The following PPM1E variants were observed in gnomAD, a reference collection of about 807,000 sequenced individuals.
PPM1E encodes the protein protein phosphatase 1E.
PPM1E carries 20 observed loss-of-function variants against 65.9 expected under a neutral mutation model. The ratio of observed to expected loss-of-function variants is 0.30; its 90% CI spans 0.21 to 0.44. The LOEUF (loss-of-function observed/expected upper bound fraction) is 0.44, where lower values mean the gene tolerates loss of function less well. Ranked by LOEUF, PPM1E falls within the 20% of genes least tolerant of loss-of-function variation. The pLI, the probability that PPM1E is intolerant of heterozygous loss-of-function variation, is 1.00. For synonymous variants in PPM1E, 352 were observed against 374.9 expected (o/e 0.94, Z 0.70); for missense variants, 713 against 953.1 (o/e 0.75, Z 3.32).
chr17:58,790,977 C>T (rs756696358), intron 1 of PPM1E, among the ~76,000 whole-genome samples: 3 of 151,854 alleles, frequency 2.0e-5, no homozygotes, highest in Non-Finnish European at 4.4e-5. Context: ...GCAACCTCCA[C>T]CTCCTGGGCT....
chr17:58,899,195 A>T (rs538129819), intron 1 of PPM1E, among the ~76,000 whole-genome samples: 1 of 151,964 alleles, frequency 6.6e-6, no homozygotes, highest in Non-Finnish European at 1.5e-5. Flanking sequence ...ATGAAAAAAA[A>T]ATTAGCGAGG....
At chr17:58,769,199 T>G (rs1186744459) in intron 1 of PPM1E, among the ~76,000 whole-genome samples, 1 of 152,168 alleles carries the variant, frequency 6.6e-6, no homozygotes, top group Non-Finnish European at 1.5e-5. Context: ...TTTAAATAGC[T>G]GAAGGTACCT....
At chr17:58,963,426 C>T (rs1182856350) in intron 2 of PPM1E, among the ~76,000 whole-genome samples, 1 of 145,552 alleles carries the variant, frequency 6.9e-6, no homozygotes, top group Admixed American at 6.9e-5. Flanking sequence ...CAGTGGCTCA[C>T]GCCTGTAATC....
rs62637717 is a variant in PPM1E at position 58,756,150 on chromosome 17, T to G, written c.153T>G (p.Pro51=). 6.3e-7 allele frequency: 1 copy of G among 1,594,482 alleles called. No individual in the cohort carries two copies. Among genetic ancestry groups the G allele is most frequent in the Admixed American group, 1.8e-5 (1 of 55,760 alleles). Residue 51 remains proline, a synonymous_variant, in exon 1 of 7, where the codon CCT becomes CCG. Transcript: ENST00000308249. The part of the protein sequence containing the change: ...PEPESEPEPE[P]ELVEAEAAEA... ...CCGAGTCCGAGCCCGAGCCCGAACC[T>G]GAACTGGTAGAAGCTGAGGCGGCCG...
At chr17:58,936,092 A>G (rs1175734765) in intron 1 of PPM1E, among the ~76,000 whole-genome samples, 3 of 152,034 alleles carry the variant, frequency 2.0e-5, no homozygotes, top group East Asian at 3.9e-4. Context: ...ATTTAGTTGT[A>G]GAAAAACTAA....
Position 58,965,729 on chromosome 17 carries a change from A to G in PPM1E, c.619A>G (p.Ser207Gly). Residue 207 changes from serine (S) to glycine (G), a missense_variant, in exon 3 of 7, where the codon AGC (serine) becomes GGC (glycine). Physicochemically the swap from Ser to Gly is moderately conservative, Grantham distance 56. Transcript: ENST00000308249. Reference sequence around the variant, plus strand: ...AGTGAAATTGGCCCGTTCTGTCTTCAGCAAACTACACGAGATTTGCTGCAG... The same window carrying G: ...AGTGAAATTGGCCCGTTCTGTCTTCGGCAAACTACACGAGATTTGCTGCAG... ...ETVKLARSVFSKLHEICCSWV... is the reference protein window; with the variant it reads ...ETVKLARSVFGKLHEICCSWV... 1.2e-6 allele frequency: 2 copies of G among 1,614,132 alleles called. No individual in the cohort carries two copies. The highest frequency in any genetic ancestry group is 3.3e-4 in the Middle Eastern group (2 of 6,060).
At chr17:58,823,273 A>G (rs1177650971) in intron 1 of PPM1E, among the ~76,000 whole-genome samples, 1 of 152,164 alleles carries the variant, frequency 6.6e-6, no homozygotes, top group Non-Finnish European at 1.5e-5. Context: ...TAAATTTTTC[A>G]AGGAATGGAA....
intron 1 of PPM1E, among the ~76,000 whole-genome samples, chr17:58,894,217 G>A (rs534212129): frequency 1.3e-5 from 2 of 152,116 alleles, no homozygotes; most frequent in African/African-American, 4.8e-5. Context: ...CAGCTCCTGG[G>A]TTCAAGCAAT....
intron 1 of PPM1E, among the ~76,000 whole-genome samples, chr17:58,933,656 C>T (rs1598658892): frequency 1.3e-5 from 2 of 151,028 alleles, no homozygotes; most frequent in South Asian, 4.2e-4. Context: ...ATTAGCTGGG[C>T]ATGGTGGCGG....
intron 1 of PPM1E, among the ~76,000 whole-genome samples, chr17:58,820,271 G>A (rs755070208): frequency 1.3e-5 from 2 of 152,014 alleles, no homozygotes; most frequent in Admixed American, 6.6e-5. Flanking sequence ...AATGATAAAC[G>A]GCATGAATTT....
intron 1 of PPM1E, among the ~76,000 whole-genome samples, chr17:58,937,751 G>C (rs1016059067): frequency 6.7e-6 from 1 of 149,426 alleles, no homozygotes; most frequent in Non-Finnish European, 1.5e-5. Context: ...ATGGTGGCAG[G>C]CACCTCTAAT....
intron 3 of PPM1E, chr17:58,966,138 C>G: frequency 2.0e-6 from 1 of 511,600 alleles, no homozygotes; most frequent in South Asian, 2.1e-5. Flanking sequence ...CCTTGCCTCC[C>G]AGGTACTCAG....
chr17:58,811,407 G>T lies in PPM1E; in HGVS notation c.464+54946G>T, dbSNP rs541183771. Among the ~76,000 whole-genome samples, 45 of 152,188 alleles carry T rather than the reference G, an allele frequency of 3.0e-4. 1 individual carries two copies. Among genetic ancestry groups the T allele is most frequent in the Non-Finnish European group, 7.4e-5 (5 of 68,014 alleles). On this transcript the variant is annotated intron_variant, in intron 1 of 6. Transcript: ENST00000308249. ...TCTGCCTTTTAACGCAGAAAATTTG[G>T]AATTTATCCTTTGCACTATTGTCTC...
intron 2 of PPM1E, among the ~76,000 whole-genome samples, chr17:58,964,945 T>A (rs2030173748): frequency 1.3e-5 from 2 of 151,600 alleles, no homozygotes; most frequent in Non-Finnish European, 2.9e-5. Context: ...CTTGGGAGGC[T>A]GAGGCAGGAG....
At chr17:58,916,935 C>A (rs2051689981) in intron 1 of PPM1E, among the ~76,000 whole-genome samples, 1 of 152,122 alleles carries the variant, frequency 6.6e-6, no homozygotes, top group Admixed American at 6.6e-5. Context: ...TGTGGTGGGG[C>A]ACGGTGGCTC....
At position 58,981,169 on chromosome 17, in the gene PPM1E, C is replaced by G. The variant is rs1730159678; in HGVS notation, c.*138C>G. 2 of 645,350 alleles carry G rather than the reference C, an allele frequency of 3.1e-6. No homozygotes were observed. Among genetic ancestry groups the G allele is most frequent in the African/African-American group, 1.8e-5 (1 of 54,336 alleles). 40.0% of individuals were successfully genotyped at this position (645,350 alleles called of 1,614,324 possible). A position where few individuals can be genotyped will look rare whatever the true frequency, so the allele number is the denominator to read the frequency against. ...GCTCAATTCTTAAATGTAAATAGAT[C>G]TCTAGGAAACTCAAAGTACAGTGTT... On this transcript the variant is annotated 3_prime_UTR_variant, in exon 7 of 7. Coordinates refer to ENST00000308249, the MANE Select transcript of PPM1E (RefSeq NM_014906.5).
intron 1 of PPM1E, among the ~76,000 whole-genome samples, chr17:58,823,591 T>C (rs2050502341): frequency 6.6e-6 from 1 of 152,192 alleles, no homozygotes; most frequent in Admixed American, 6.5e-5. Context: ...TAGGAAATTG[T>C]GTTTTGTATA....
intron 1 of PPM1E, chr17:58,899,356 C>T (rs914741166): frequency 3.9e-5 from 6 of 153,396 alleles, no homozygotes; most frequent in African/African-American, 1.4e-4. Context: ...AAAAAACAAA[C>T]AGTTTCCTAA....
chr17:58,948,929 A>T (rs2052199797), intron 1 of PPM1E, among the ~76,000 whole-genome samples: 1 of 152,246 alleles, frequency 6.6e-6, no homozygotes, highest in Non-Finnish European at 1.5e-5. Context: ...GTGTCCTAAC[A>T]TGTAGTCAAT....
Sources: gnomAD v4.1 joint callset for allele counts (sites outside exome capture counted in the v4.1 genomes callset) on GRCh38, gnomAD v4.1.1 for gene constraint, MANE v1.5 for transcripts, NCBI Gene and HGNC (gene_info 2026-07-23, HGNC 2026-07-21) for gene names.